Variants in COL25A1 observed in about 807,000 individuals in gnomAD.
COL25A1 encodes the protein collagen type XXV alpha 1 chain.
In COL25A1, 103 loss-of-function variants were observed where a neutral mutation model predicts 128.4. That is an observed-to-expected ratio of 0.80 (90% confidence interval 0.68 to 0.94). The LOEUF (loss-of-function observed/expected upper bound fraction) is 0.94. COL25A1 is among the 40% of genes least tolerant of loss of function. The pLI is 0.00. For missense variants in COL25A1, 745 were observed against 840.0 expected, an observed-to-expected ratio of 0.89 and a Z score of 1.40; for synonymous variants, 279 against 277.2, an observed-to-expected ratio of 1.01 and a Z score of -0.06.
chr4:108,868,799 G>C (rs1053225975), intron 20 of COL25A1, among the ~76,000 whole-genome samples: 1 of 129,624 alleles, frequency 7.7e-6, no homozygotes, highest in Non-Finnish European at 1.6e-5. Context: ...AGGAAAGGAA[G>C]GAAGGAAAGA....
At chr4:108,837,296 A>G (rs1733921600) in intron 31 of COL25A1, among the ~76,000 whole-genome samples, 1 of 152,048 alleles carries the variant, frequency 6.6e-6, no homozygotes, top group Admixed American at 6.5e-5. Flanking sequence ...TCTGTTACTG[A>G]TTTTATGTCA....
chr4:109,021,075 A>G (rs1195124533), intron 5 of COL25A1, among the ~76,000 whole-genome samples: 1 of 152,218 alleles, frequency 6.6e-6, no homozygotes, highest in Non-Finnish European at 1.5e-5. Flanking sequence ...TCAGCCACTC[A>G]GTCACATAGG....
rs1038852904 is a variant in COL25A1 at position 109,048,301 on chromosome 4, A to T, written c.413-126T>A. The T allele has an allele frequency of 9.2e-5, 75 of 814,798 alleles. 1 individual carries two copies. Among genetic ancestry groups the T allele is most frequent in the Non-Finnish European group, 1.4e-4 (71 of 518,814 alleles). 50.5% of individuals were successfully genotyped at this position (814,798 alleles called of 1,614,324 possible). On this transcript the variant is annotated intron_variant, in intron 4 of 37. Coordinates refer to ENST00000399132, the MANE Select transcript of COL25A1 (RefSeq NM_198721.4). Reference sequence around the variant, plus strand: ...ACATAATAGACATGGAAGTTTTTTTAAATTCACTGATTCTTAATCATTTTT... The same window carrying T: ...ACATAATAGACATGGAAGTTTTTTTTAATTCACTGATTCTTAATCATTTTT...
Position 108,813,805 on chromosome 4 carries a change from A to T in COL25A1, c.*122T>A. On this transcript the variant is annotated 3_prime_UTR_variant, in exon 38 of 38. Coordinates refer to ENST00000399132, the MANE Select transcript of COL25A1 (RefSeq NM_198721.4). ...AATGGACATGTATACTACTGCCAGC[A>T]GGAAGAAGCAGCCCTATGTAAACAT... The T allele has an allele frequency of 1.3e-6, 1 of 756,316 alleles. No individual in the cohort carries two copies. The highest frequency in any genetic ancestry group is 2.2e-6 in the Non-Finnish European group (1 of 445,248). 46.9% of individuals were successfully genotyped at this position (756,316 alleles called of 1,614,324 possible).
chr4:108,946,019 G>C (rs577534792), intron 8 of COL25A1, among the ~76,000 whole-genome samples: 4 of 152,026 alleles, frequency 2.6e-5, no homozygotes, highest in Non-Finnish European at 5.9e-5. Context: ...TTAAGAAATC[G>C]GATGTATAAG....
At chr4:109,108,310 T>C (rs1241282413) in intron 3 of COL25A1, among the ~76,000 whole-genome samples, 3 of 152,108 alleles carry the variant, frequency 2.0e-5, no homozygotes, top group African/African-American at 7.2e-5. Context: ...GATAGTTTGC[T>C]GAGAATGATG....
rs116605386 is a variant in COL25A1 at position 109,141,780 on chromosome 4, C to T, written c.368-91601G>A. ...TATTTCTTGGAATCTGTGATGATAC[C>T]TAATTATCATTTTTTATTGTTTCTA... On this transcript the variant is annotated intron_variant, in intron 3 of 37. Transcript: ENST00000399132. 7.1e-3 allele frequency among the ~76,000 whole-genome samples: 1,080 copies of T among 152,234 alleles called. 16 individuals are homozygous for T. The highest frequency in any genetic ancestry group is 0.024 in the African/African-American group (992 of 41,544).
chr4:109,186,187 C>A (rs1469681966), intron 3 of COL25A1, among the ~76,000 whole-genome samples: 1 of 151,148 alleles, frequency 6.6e-6, no homozygotes, highest in Non-Finnish European at 1.5e-5. Context: ...CACGTGCTGA[C>A]TGCTGTGCTT....
At chr4:109,223,551 TGAAA>T (rs1317773395) in intron 3 of COL25A1, among the ~76,000 whole-genome samples, 1 of 152,092 alleles carries the variant, frequency 6.6e-6, no homozygotes, top group Non-Finnish European at 1.5e-5. Context: ...AAAAGAGTTC[TGAAA>T]GAAAGTGAGT....
chr4:109,108,557 G>A (rs894571742), intron 3 of COL25A1, among the ~76,000 whole-genome samples: 1 of 152,052 alleles, frequency 6.6e-6, no homozygotes, highest in African/African-American at 2.4e-5. Flanking sequence ...GTAATGGGAT[G>A]GCTGGGTCAA....
At position 109,031,495 on chromosome 4, in the gene COL25A1, C is replaced by T. The variant is rs141249278; in HGVS notation, c.420+16673G>A. Among the ~76,000 whole-genome samples the T allele has an allele frequency of 4.5e-3, 679 of 152,208 alleles. 7 individuals carry two copies. Among genetic ancestry groups the T allele is most frequent in the African/African-American group, 0.014 (595 of 41,518 alleles). ...ATTTTCTGTAGCGAGACCAAATAAA[C>T]GTCACCCACCAGGTCACAAAACCTT... On this transcript the variant is annotated intron_variant, in intron 5 of 37. Transcript: ENST00000399132.
At chr4:109,107,781 T>C (rs565757569) in intron 3 of COL25A1, among the ~76,000 whole-genome samples, 1 of 152,314 alleles carries the variant, frequency 6.6e-6, no homozygotes, top group African/African-American at 2.4e-5. Flanking sequence ...ACCACCAACG[T>C]GACTACCAAA....
intron 3 of COL25A1, among the ~76,000 whole-genome samples, chr4:109,073,825 T>C (rs1230719334): frequency 1.3e-5 from 2 of 152,208 alleles, no homozygotes; most frequent in Non-Finnish European, 2.9e-5. Flanking sequence ...ATTTCACTAG[T>C]TGGATTCTAC....
chr4:108,846,320 G>C, intron 27 of COL25A1, 101 bp from the exon 28 acceptor site: 4 of 777,062 alleles, frequency 5.1e-6, no homozygotes, highest in Non-Finnish European at 9.2e-6. Context: ...TAATAGGTGG[G>C]TTCAATGTTG....
intron 34 of COL25A1, among the ~76,000 whole-genome samples, chr4:108,824,484 T>G (rs1294783633): frequency 6.6e-6 from 1 of 152,240 alleles, no homozygotes; most frequent in East Asian, 1.9e-4. Flanking sequence ...CTAGTTTGAA[T>G]TCTGGCAAGT....
chr4:108,860,827 G>A (rs778084480), intron 23 of COL25A1, 100 bp downstream of exon 23: 1 of 968,600 alleles, frequency 1.0e-6, no homozygotes, highest in East Asian at 2.4e-5. Flanking sequence ...CTATTATTAA[G>A]TATTATTAAT....
intron 3 of COL25A1, among the ~76,000 whole-genome samples, chr4:109,251,203 T>C (rs903091264): frequency 1.3e-5 from 2 of 152,022 alleles, no homozygotes; most frequent in Admixed American, 6.5e-5. Context: ...AAAGAGGAAA[T>C]AGGATAACTA....
intron 6 of COL25A1, among the ~76,000 whole-genome samples, chr4:108,988,317 A>G (rs1174055104): frequency 6.6e-6 from 1 of 152,248 alleles, no homozygotes; most frequent in East Asian, 1.9e-4. Context: ...CTTTAACAAT[A>G]CATCGGGACC....
Position 108,848,768 on chromosome 4 carries a change from A to T in COL25A1, c.1425T>A (p.Asp475Glu). 1 of 1,600,758 alleles carries T rather than the reference A, an allele frequency of 6.2e-7. No individual in the cohort carries two copies. The highest frequency in any genetic ancestry group is 1.1e-5 in the South Asian group (1 of 90,772). ...EQGSPGIPGM[D>E]GEQGLKGSKG... ...CATCTTTGAAAATTACCTGCTCTCC[A>T]TCCATTCCTGGGATTCCTGGAGATC... Residue 475 changes from aspartate (D) to glutamate (E), a missense_variant, in exon 27 of 38, where the codon GAT (aspartate) becomes GAA (glutamate). Physicochemically the swap from Asp to Glu is conservative, Grantham distance 45. Transcript: ENST00000399132.
Sources: gnomAD v4.1 joint callset for allele counts (sites outside exome capture counted in the v4.1 genomes callset) on GRCh38, gnomAD v4.1.1 for gene constraint, MANE v1.5 for transcripts, NCBI Gene and HGNC (gene_info 2026-07-23, HGNC 2026-07-21) for gene names.